CLVS2: variants seen among roughly 807,000 people sequenced by gnomAD.
The protein encoded by CLVS2 is clavesin 2.
CLVS2 carries 19 observed loss-of-function variants against 29.0 expected under a neutral mutation model. The observed-to-expected ratio is 0.66, with a 90% CI of 0.46 to 0.96. The LOEUF (loss-of-function observed/expected upper bound fraction) is 0.96. Among genes scored for constraint, CLVS2 ranks in the 40% least tolerant of loss-of-function variants. CLVS2 has a pLI of 0.00. For missense variants in CLVS2, 294 were observed against 404.1 expected (o/e 0.73, Z 2.34); for synonymous variants, 161 against 151.3 (o/e 1.06, Z -0.47).
intron 4 of CLVS2, among the ~76,000 whole-genome samples, chr6:123,049,519 T>C (rs1359185262): frequency 6.6e-6 from 1 of 152,188 alleles, no homozygotes; most frequent in Non-Finnish European, 1.5e-5. Flanking sequence ...AATAACCTGC[T>C]TACTCACATA....
At chr6:123,033,183 G>A (rs1185047495) in intron 3 of CLVS2, among the ~76,000 whole-genome samples, 1 of 152,004 alleles carries the variant, frequency 6.6e-6, no homozygotes, top group Non-Finnish European at 1.5e-5. Context: ...AGCTTTGGGG[G>A]TAAGGAATTA....
At chr6:123,048,271 A>T (rs143414477) in intron 3 of CLVS2, among the ~76,000 whole-genome samples, 2,276 of 152,060 alleles carry the variant, frequency 0.015, 18 homozygotes, top group Middle Eastern at 0.048. Flanking sequence ...TGAAACCTTT[A>T]TAGAATGTAG....
At chr6:123,059,193 G>C (rs952389042) in intron 5 of CLVS2, among the ~76,000 whole-genome samples, 3 of 152,026 alleles carry the variant, frequency 2.0e-5, no homozygotes, top group African/African-American at 7.2e-5. Flanking sequence ...TCAAAGGTCA[G>C]CTCCTCGAAA....
intron 2 of CLVS2, among the ~76,000 whole-genome samples, chr6:123,002,846 A>C (rs1774610395): frequency 6.6e-6 from 1 of 152,122 alleles, no homozygotes; most frequent in Admixed American, 6.5e-5. Context: ...TTTTCGTAAA[A>C]ATTCTGGAGG....
chr6:123,010,143 A>C (rs1582644955), intron 2 of CLVS2, among the ~76,000 whole-genome samples: 1 of 152,034 alleles, frequency 6.6e-6, no homozygotes, highest in East Asian at 1.9e-4. Context: ...TTCAGTCCTC[A>C]CATTGTCACA....
At chr6:123,048,777 A>G (rs373255568) in intron 4 of CLVS2, 45 bp downstream of exon 4, 69 of 1,106,462 alleles carry the variant, frequency 6.2e-5, no homozygotes, top group African/African-American at 4.6e-4. Context: ...CCGCCATCCA[A>G]TGAATTATAA....
chr6:123,033,219 A>T (rs2114336406), intron 3 of CLVS2, among the ~76,000 whole-genome samples: 1 of 152,232 alleles, frequency 6.6e-6, no homozygotes, highest in African/African-American at 2.4e-5. Flanking sequence ...ACTTTAATTT[A>T]TCTTTTAGAG....
intron 3 of CLVS2, among the ~76,000 whole-genome samples, chr6:123,039,668 C>T (rs967392472): frequency 1.3e-5 from 2 of 152,164 alleles, no homozygotes; most frequent in Non-Finnish European, 2.9e-5. Flanking sequence ...CTATGACTTG[C>T]TTCCATCTGT....
In CLVS2 at chr6:123,072,409, C is replaced by T. The variant is rs1772963169; in HGVS notation, c.*8648C>T. 2 of 151,968 alleles carry T rather than the reference C, an allele frequency of 1.3e-5. No individual in the cohort carries two copies. The highest frequency in any genetic ancestry group is 2.9e-5 in the Non-Finnish European group (2 of 67,934). 9.4% of individuals were successfully genotyped at this position (151,968 alleles called of 1,614,324 possible). On this transcript the variant is annotated 3_prime_UTR_variant, in exon 6 of 6. Transcript: ENST00000275162. ...TTGTTAACCAATATAGATTATGTTT[C>T]TTGTCAGTTACACAAGGATAGGTAA...
chr6:123,040,160 G>T (rs58543430), intron 3 of CLVS2, among the ~76,000 whole-genome samples: 15,167 of 152,188 alleles, frequency 0.1, 1,352 homozygotes, highest in East Asian at 0.37. Flanking sequence ...AGAATGATTT[G>T]TCAATAATTG....
rs114916454 is a variant in CLVS2 at position 123,016,669 on chromosome 6, A to G, written c.564+5510A>G. ...ATTGAATAGCTCTTTGAATTGCTAC[A>G]TAAGACTCAGATGTATGGCCATCAC... On this transcript the variant is annotated intron_variant, in intron 3 of 5. Transcript: ENST00000275162. Among the ~76,000 whole-genome samples, 247 of 152,232 alleles carry G rather than the reference A, an allele frequency of 1.6e-3. 1 individual carries two copies. Among genetic ancestry groups the G allele is most frequent in the Non-Finnish European group, 2.9e-3 (198 of 68,002 alleles).
At chr6:123,023,124 C>A (rs4473883) in intron 3 of CLVS2, among the ~76,000 whole-genome samples, 1 of 151,942 alleles carries the variant, frequency 6.6e-6, no homozygotes, top group Non-Finnish European at 1.5e-5. Context: ...ACTTAAACAT[C>A]GTTTAGGAAC....
intron 5 of CLVS2, among the ~76,000 whole-genome samples, chr6:123,062,877 A>C (rs1772798054): frequency 6.6e-6 from 1 of 152,188 alleles, no homozygotes; most frequent in South Asian, 2.1e-4. Flanking sequence ...AGCTATTAAG[A>C]TGGCAGCTTC....
chr6:123,024,034 C>A (rs189468460), intron 3 of CLVS2, among the ~76,000 whole-genome samples: 11 of 152,048 alleles, frequency 7.2e-5, no homozygotes, highest in African/African-American at 2.2e-4. Context: ...GAAGATGAAC[C>A]CTTCAGGCTG....
intron 2 of CLVS2, 47 bp downstream of exon 2, chr6:122,998,213 T>C: frequency 6.4e-7 from 1 of 1,563,562 alleles, no homozygotes; most frequent in Non-Finnish European, 8.6e-7. Flanking sequence ...TCTCCCATTT[T>C]CCAGAATTTA....
rs1368329818 is a variant in CLVS2 at position 123,063,882 on chromosome 6, T to C, written c.*121T>C. On this transcript the variant is annotated 3_prime_UTR_variant, in exon 6 of 6. Coordinates refer to ENST00000275162, the MANE Select transcript of CLVS2 (RefSeq NM_001010852.4). ...ACTTATTCATGTTAATGTAGCATAA[T>C]ATATAACAAGGCATCAGGCTTTCCT... 3.3e-6 allele frequency: 2 copies of C among 608,156 alleles called. No homozygotes were observed. The highest frequency in any genetic ancestry group is 5.7e-6 in the Non-Finnish European group (2 of 353,524). The allele number at this position is 608,156 out of a possible 1,614,324, so 37.7% of individuals were successfully genotyped here. A position where few individuals can be genotyped will look rare whatever the true frequency, so the allele number is the denominator to read the frequency against.
intron 4 of CLVS2, among the ~76,000 whole-genome samples, chr6:123,051,997 A>G (rs2114358766): frequency 6.6e-6 from 1 of 152,350 alleles, no homozygotes; most frequent in East Asian, 1.9e-4. Flanking sequence ...TGCAATTCAC[A>G]TGTAAGAGTT....
chr6:123,016,417 T>C (rs1326804052), intron 3 of CLVS2, among the ~76,000 whole-genome samples: 1 of 151,982 alleles, frequency 6.6e-6, no homozygotes, highest in Non-Finnish European at 1.5e-5. Flanking sequence ...ACTTGGACTT[T>C]TTTATAAATC....
intron 3 of CLVS2, among the ~76,000 whole-genome samples, chr6:123,024,567 C>T (rs1194939370): frequency 6.6e-6 from 1 of 152,070 alleles, no homozygotes; most frequent in Non-Finnish European, 1.5e-5. Flanking sequence ...AAAACTTCCA[C>T]CTGACATGAA....
Sources: allele counts gnomAD v4.1 joint callset (sites outside exome capture counted in the v4.1 genomes callset), GRCh38; gene constraint gnomAD v4.1.1; transcripts MANE v1.5; gene names NCBI Gene and HGNC (gene_info 2026-07-23, HGNC 2026-07-21).